The following RBFOX1 variants were observed in gnomAD, a reference collection of about 807,000 sequenced individuals.
RBFOX1 encodes the protein RNA binding protein fox-1 homolog 1.
Under a neutral mutation model 57.7 loss-of-function variants are expected in RBFOX1, and 8 were observed. The ratio of observed to expected loss-of-function variants is 0.14; its 90% CI spans 0.08 to 0.25. The LOEUF (loss-of-function observed/expected upper bound fraction) is 0.25, where lower values mean the gene tolerates loss of function less well. RBFOX1 is among the 10% of genes least tolerant of loss of function. RBFOX1 has a pLI of 1.00. For missense variants in RBFOX1, 611 were observed against 548.5 expected (o/e 1.11, Z -1.14); for synonymous variants, 326 against 222.4 (o/e 1.47, Z -4.15).
chr16:7,277,670 G>T (rs989500407), intron 4 of RBFOX1, among the ~76,000 whole-genome samples: 5 of 152,108 alleles, frequency 3.3e-5, no homozygotes, highest in African/African-American at 1.2e-4. Context: ...CTTGAGAGAA[G>T]TCTACCAGGG....
At chr16:7,339,628 C>G (rs1421364141) in intron 4 of RBFOX1, among the ~76,000 whole-genome samples, 2 of 152,242 alleles carry the variant, frequency 1.3e-5, no homozygotes, top group East Asian at 3.9e-4. Flanking sequence ...TTAGTAAAGA[C>G]AGGGTTTCAC....
At chr16:5,664,932 A>G (rs926169954) in intron 3 of RBFOX1, among the ~76,000 whole-genome samples, 14 of 147,940 alleles carry the variant, frequency 9.5e-5, no homozygotes, top group African/African-American at 3.5e-4. Context: ...TTGATTTCCC[A>G]TTTGTTATCT....
chr16:5,465,835 G>A (rs575853148), intron 1 of RBFOX1, among the ~76,000 whole-genome samples: 1 of 152,206 alleles, frequency 6.6e-6, no homozygotes, highest in African/African-American at 2.4e-5. Flanking sequence ...GGACTGCAAG[G>A]GTTGAATGTG....
intron 2 of RBFOX1, among the ~76,000 whole-genome samples, chr16:6,519,971 G>C (rs998262963): frequency 6.6e-6 from 1 of 152,140 alleles, no homozygotes; most frequent in Non-Finnish European, 1.5e-5. Flanking sequence ...AGTAGGCATG[G>C]TATTAAACTA....
At chr16:6,711,402 G>A (rs1366535324) in intron 3 of RBFOX1, among the ~76,000 whole-genome samples, 1 of 152,122 alleles carries the variant, frequency 6.6e-6, no homozygotes, top group Non-Finnish European at 1.5e-5. Flanking sequence ...CTCCTGATAT[G>A]GTTTGACTCT....
chr16:6,410,472 C>T (rs564294264), intron 2 of RBFOX1, among the ~76,000 whole-genome samples: 7 of 151,810 alleles, frequency 4.6e-5, no homozygotes, highest in African/African-American at 1.7e-4. Context: ...CCACAATGCA[C>T]GGCTAATTTT....
Position 6,627,856 on chromosome 16 carries a change from G to A in RBFOX1, c.-63-26747G>A, listed in dbSNP as rs1182467199. On this transcript the variant is annotated intron_variant, in intron 2 of 15. Transcript: ENST00000550418. ...AAATAAAGTGTGTCTCAGTACAAAAGGAGAAGTTTCACAAAGCATTTAGAC... is the reference window on the plus strand; with the variant it reads ...AAATAAAGTGTGTCTCAGTACAAAAAGAGAAGTTTCACAAAGCATTTAGAC... Among the ~76,000 whole-genome samples the A allele has an allele frequency of 2.0e-5, 3 of 152,160 alleles. No individual in the cohort carries two copies. In the East Asian group the frequency reaches 5.8e-4, roughly 29 times the overall value.
intron 2 of RBFOX1, among the ~76,000 whole-genome samples, chr16:6,494,204 A>G (rs7201579): frequency 2.6e-5 from 4 of 152,060 alleles, no homozygotes; most frequent in African/African-American, 9.7e-5. Context: ...GCTGCAATCC[A>G]CTGACCTTAT....
At chr16:7,360,423 G>T (rs998300678) in intron 4 of RBFOX1, among the ~76,000 whole-genome samples, 6 of 152,112 alleles carry the variant, frequency 3.9e-5, no homozygotes, top group Admixed American at 1.3e-4. Context: ...TATGATGTGG[G>T]TGTGCACGTG....
chr16:6,955,769 T>C (rs1399371674), intron 3 of RBFOX1, among the ~76,000 whole-genome samples: 1 of 152,088 alleles, frequency 6.6e-6, no homozygotes, highest in African/African-American at 2.4e-5. Flanking sequence ...AGTGCCGCTA[T>C]CTTGGGGCTC....
At chr16:5,298,402 A>G (rs1189707014) in intron 1 of RBFOX1, among the ~76,000 whole-genome samples, 1 of 150,690 alleles carries the variant, frequency 6.6e-6, no homozygotes, top group African/African-American at 2.4e-5. Flanking sequence ...TTTGATTTCT[A>G]GAGCGCTCCA....
chr16:6,415,575 C>A (rs1030343638), intron 2 of RBFOX1, among the ~76,000 whole-genome samples: 2 of 151,932 alleles, frequency 1.3e-5, no homozygotes, highest in African/African-American at 4.8e-5. Flanking sequence ...GTGGCAGGCA[C>A]CTGCAGTCCC....
chr16:6,276,990 C>T (rs2075866265), intron 1 of RBFOX1, among the ~76,000 whole-genome samples: 1 of 152,044 alleles, frequency 6.6e-6, no homozygotes, highest in Non-Finnish European at 1.5e-5. Flanking sequence ...ATGTACATTT[C>T]CAGAAGAAAT....
chr16:7,526,039 ATTACCACT>A (rs201358023), intron 5 of RBFOX1, among the ~76,000 whole-genome samples: 4,000 of 152,274 alleles, frequency 0.026, 153 homozygotes, highest in African/African-American at 0.091. Flanking sequence ...ATGAGTGAGC[ATTACCACT>A]TTAGCTCTGC....
intron 3 of RBFOX1, among the ~76,000 whole-genome samples, chr16:6,973,878 C>T (rs1328671379): frequency 6.6e-6 from 1 of 152,138 alleles, no homozygotes; most frequent in Non-Finnish European, 1.5e-5. Context: ...GTCAAGCTGT[C>T]ATCAACGTAT....
intron 3 of RBFOX1, among the ~76,000 whole-genome samples, chr16:5,695,768 C>A (rs4786058): frequency 0.6 from 90,774 of 151,974 alleles, 29,920 homozygotes; most frequent in Non-Finnish European, 0.75. Flanking sequence ...GTAATACTTA[C>A]TAGTTTTGTA....
At chr16:5,635,042 C>A (rs1433004079) in intron 3 of RBFOX1, among the ~76,000 whole-genome samples, 1 of 152,084 alleles carries the variant, frequency 6.6e-6, no homozygotes, top group Non-Finnish European at 1.5e-5. Flanking sequence ...GAGTCTATTA[C>A]TAAAATAAAA....
At chr16:7,638,507 C>A (rs1021329192) in intron 11 of RBFOX1, among the ~76,000 whole-genome samples, 1 of 152,182 alleles carries the variant, frequency 6.6e-6, no homozygotes, top group African/African-American at 2.4e-5. Context: ...AGCTGTCCAG[C>A]AACTCTATTT....
Position 5,454,926 on chromosome 16 carries a change from T to TCTTCCTTCCTTC in RBFOX1, c.220-12266_220-12255dup, listed in dbSNP as rs1162105535. ...TCTTTCTTTCTTTCCTTTGTTTCTT[T>TCTTCCTTCCTTC]CTTCCTTCCTTCCTTCCTTCCTTCC... On this transcript the variant is annotated intron_variant, in intron 1 of 2. Coordinates refer to the RBFOX1 transcript ENST00000585867. Among the ~76,000 whole-genome samples the TCTTCCTTCCTTC allele has an allele frequency of 1.8e-4, 10 of 54,814 alleles. 1 individual carries two copies. The highest frequency in any genetic ancestry group is 3.5e-4 in the African/African-American group (5 of 14,298). 36.0% of individuals were successfully genotyped at this position (54,814 alleles called of 152,430 possible).
Sources: allele counts gnomAD v4.1 joint callset (sites outside exome capture counted in the v4.1 genomes callset), GRCh38; gene constraint gnomAD v4.1.1; transcripts MANE v1.5; gene names NCBI Gene and HGNC (gene_info 2026-07-23, HGNC 2026-07-21).